Variants in TGM2 observed in about 807,000 individuals in gnomAD.
The protein encoded by TGM2 is transglutaminase 2, also known as protein-glutamine gamma-glutamyltransferase 2.
A neutral mutation model predicts 75.6 loss-of-function variants in TGM2; 53 were observed. The observed-to-expected ratio is 0.70, with a 90% CI of 0.56 to 0.88. The LOEUF is 0.88. Ranked by LOEUF, TGM2 falls within the 40% of genes least tolerant of loss-of-function variation. The pLI is 0.00. For synonymous variants in TGM2, 374 were observed against 381.1 expected, an observed-to-expected ratio of 0.98 and a Z score of 0.22; for missense variants, 842 against 928.5, an observed-to-expected ratio of 0.91 and a Z score of 1.21.
chr20:38,152,848 C>T (rs892466544), intron 3 of TGM2, among the ~76,000 whole-genome samples: 10 of 152,238 alleles, frequency 6.6e-5, no homozygotes, highest in African/African-American at 1.7e-4. Context: ...CACTCCAACC[C>T]GCCGCCGGGT....
chr20:38,147,082 G>A (rs1002660862), intron 5 of TGM2, among the ~76,000 whole-genome samples, 188 bp from the exon 6 acceptor site: 4 of 152,086 alleles, frequency 2.6e-5, no homozygotes, highest in Non-Finnish European at 5.9e-5. Context: ...TGGAGCCGGG[G>A]GACAGGAGGG....
intron 1 of TGM2, among the ~76,000 whole-genome samples, chr20:38,164,572 G>A (rs184674458): frequency 1.6e-3 from 240 of 152,248 alleles, no homozygotes; most frequent in African/African-American, 5.4e-3. Flanking sequence ...GGTCTTGGGG[G>A]AAAACAAATC....
intron 2 of TGM2, among the ~76,000 whole-genome samples, chr20:38,157,383 G>T (rs2075201179): frequency 6.6e-6 from 1 of 152,220 alleles, no homozygotes; most frequent in Non-Finnish European, 1.5e-5. Flanking sequence ...TTGGGGAGGA[G>T]CCATGCAGGC....
chr20:38,146,319 G>A (rs982079291), intron 6 of TGM2: 4 of 340,928 alleles, frequency 1.2e-5, no homozygotes, highest in African/African-American at 8.6e-5. Flanking sequence ...CCCACTCTAG[G>A]AGGAAGGTCT....
chr20:38,163,060 T>G (rs2075272398), intron 1 of TGM2, among the ~76,000 whole-genome samples: 1 of 152,128 alleles, frequency 6.6e-6, no homozygotes, highest in African/African-American at 2.4e-5. Flanking sequence ...GGAACCCCCT[T>G]CCCCACGGCC....
rs1256793641 is a variant in TGM2 at position 38,127,905 on chromosome 20, G to C, written c.*2314C>G. The stretch of plus-strand genomic sequence containing the variant: ...ACAGCACAGGTCTTGTGGGAGTTGA[G>C]TTAGGAAACATTCATTTACCAATTC... On this transcript the variant is annotated 3_prime_UTR_variant, in exon 13 of 13. Coordinates refer to ENST00000361475, the MANE Select transcript of TGM2 (RefSeq NM_004613.4). 1 of 152,120 alleles carries C rather than the reference G, an allele frequency of 6.6e-6. No homozygotes were observed. The highest frequency in any genetic ancestry group is 1.9e-4 in the East Asian group (1 of 5,202). The allele number at this position is 152,120 out of a possible 1,614,324, so 9.4% of individuals were successfully genotyped here.
chr20:38,138,521 G>T, intron 9 of TGM2, 136 bp from the exon 10 acceptor site: 1 of 1,519,432 alleles, frequency 6.6e-7, no homozygotes, highest in Non-Finnish European at 8.9e-7. Flanking sequence ...TACATTTCTG[G>T]GCCAGAAGGA....
rs1264043132 is a variant in TGM2, at chr20:38,128,188, C to G, written c.*2031G>C. ...AAGAAAAGGAGGGGCACTCCAGGCTCAGGGAACTACATACACAAAAGCCAA... is the reference window on the plus strand; with the variant it reads ...AAGAAAAGGAGGGGCACTCCAGGCTGAGGGAACTACATACACAAAAGCCAA... On this transcript the variant is annotated 3_prime_UTR_variant, in exon 13 of 13. Transcript: ENST00000361475. 2 of 150,364 alleles carry G rather than the reference C, an allele frequency of 1.3e-5. No individual in the cohort carries two copies. The highest frequency in any genetic ancestry group is 6.7e-5 in the Admixed American group (1 of 15,036). The allele number at this position is 150,364 out of a possible 1,614,324, so 9.3% of individuals were successfully genotyped here. A position where few individuals can be genotyped will look rare whatever the true frequency, so the allele number is the denominator to read the frequency against.
chr20:38,134,095 C>A (rs1341644760), intron 10 of TGM2, among the ~76,000 whole-genome samples: 1 of 152,148 alleles, frequency 6.6e-6, no homozygotes, highest in East Asian at 1.9e-4. Flanking sequence ...AGACTTTCCC[C>A]AGGAGGTCAC....
At position 38,139,441 on chromosome 20, in the gene TGM2, T is replaced by A. The variant is rs1211967894; in HGVS notation, c.1313A>T (p.Asp438Val). The A allele has an allele frequency of 6.2e-7, 1 of 1,614,136 alleles. No individual in the cohort carries two copies. Among genetic ancestry groups the A allele is most frequent in the South Asian group, 1.1e-5 (1 of 91,082 alleles). The change falls in exon 9 of 13, where the codon GAT (aspartate) becomes GTT (valine). Residue 438 changes from aspartate to valine, a missense_variant. Transcript: ENST00000361475. ...TKSVGRDERE[D>V]ITHTYKYPEG... ...TGGGTATTTGTAGGTGTGGGTGATATCCTCCCGCTCGTCTCGGCCCACGCT... is the reference window on the plus strand; with the variant it reads ...TGGGTATTTGTAGGTGTGGGTGATAACCTCCCGCTCGTCTCGGCCCACGCT...
chr20:38,164,224 G>A (rs1310697521), intron 1 of TGM2, among the ~76,000 whole-genome samples: 1 of 152,190 alleles, frequency 6.6e-6, no homozygotes, highest in East Asian at 1.9e-4. Context: ...TCACACAGCA[G>A]GGTCAGGTGG....
chr20:38,131,388 C>T (rs2074831572), intron 11 of TGM2, among the ~76,000 whole-genome samples, 159 bp from the exon 12 acceptor site: 2 of 144,290 alleles, frequency 1.4e-5, no homozygotes, highest in Non-Finnish European at 3.0e-5. Context: ...GTTTCTTCAT[C>T]GGGAAAACAC....
At chr20:38,131,401 A>T (rs1387618571) in intron 11 of TGM2, among the ~76,000 whole-genome samples, 172 bp from the exon 12 acceptor site, 1 of 146,188 alleles carries the variant, frequency 6.8e-6, no homozygotes, top group African/African-American at 2.6e-5. Flanking sequence ...GAAAACACCG[A>T]TTGTGCTACC....
At chr20:38,147,878 A>G in intron 5 of TGM2, 83 bp downstream of exon 5, 1 of 1,551,946 alleles carries the variant, frequency 6.4e-7, no homozygotes, top group Non-Finnish European at 8.7e-7. Context: ...CACCGCGCCT[A>G]GCCTGTGTCT....
At chr20:38,154,568 T>C (rs1412538032) in intron 3 of TGM2, among the ~76,000 whole-genome samples, 1 of 152,176 alleles carries the variant, frequency 6.6e-6, no homozygotes, top group Non-Finnish European at 1.5e-5. Flanking sequence ...TCCAAGGTTG[T>C]CCACTTATTT....
intron 4 of TGM2, among the ~76,000 whole-genome samples, chr20:38,149,638 C>G (rs2075090792): frequency 7.1e-6 from 1 of 141,058 alleles, no homozygotes; most frequent in Non-Finnish European, 1.5e-5. Flanking sequence ...GAGATTGCAC[C>G]ACTGCACTCC....
At chr20:38,131,350 C>T (rs867793665) in intron 11 of TGM2, 121 bp from the exon 12 acceptor site, 19 of 1,246,484 alleles carry the variant, frequency 1.5e-5, no homozygotes, top group African/African-American at 2.5e-5. Context: ...GCCACGATCA[C>T]CCCCCCTCCC....
rs541717032 is a variant in TGM2 at position 38,139,608 on chromosome 20, G to A, written c.1146C>T (p.Gly382=). 33 of 1,614,032 alleles carry A rather than the reference G, an allele frequency of 2.0e-5. No homozygotes were observed. The highest frequency in any genetic ancestry group is 2.5e-5 in the Non-Finnish European group (30 of 1,180,036). ...GPVPVRAIKE[G]DLSTKYDAPF... ...GCGCATCGTACTTGGTGCTCAGGTC[G>A]CCCTCCTTGATGGCACGAACTGGAA... The change falls in exon 9 of 13, where the codon GGC becomes GGT. Residue 382 remains glycine (G), a synonymous_variant. Coordinates refer to ENST00000361475, the MANE Select transcript of TGM2 (RefSeq NM_004613.4).
intron 4 of TGM2, 151 bp from the exon 5 acceptor site, chr20:38,148,240 C>A (rs372502331): frequency 4.0e-6 from 4 of 1,005,606 alleles, no homozygotes; most frequent in Middle Eastern, 3.1e-4. Context: ...TCTCTGGTGG[C>A]AGCTTCTCTT....
Sources: gnomAD v4.1 joint callset for allele counts (sites outside exome capture counted in the v4.1 genomes callset) on GRCh38, gnomAD v4.1.1 for gene constraint, MANE v1.5 for transcripts, NCBI Gene and HGNC (gene_info 2026-07-23, HGNC 2026-07-21) for gene names.